ATP8A2: variants seen among roughly 807,000 people sequenced by gnomAD.
ATP8A2 encodes ATPase phospholipid transporting 8A2, also known as phospholipid-transporting ATPase IB.
Under a neutral mutation model 165.6 loss-of-function variants are expected in ATP8A2, and 100 were observed. That is an observed-to-expected ratio of 0.60 (90% CI 0.51 to 0.71). ATP8A2 has a LOEUF of 0.71. ATP8A2 is among the 30% of genes least tolerant of loss of function. ATP8A2 has a pLI of 0.00. For synonymous variants in ATP8A2, 543 were observed against 548.8 expected (o/e 0.99, Z 0.15); for missense variants, 1,227 against 1,479.5 (o/e 0.83, Z 2.80).
At chr13:25,531,263 A>ATATATATGTTATATATGATGTATGT (rs1555291099) in intron 4 of ATP8A2, among the ~76,000 whole-genome samples, 2 of 85,512 alleles carry the variant, frequency 2.3e-5, no homozygotes, top group Non-Finnish European at 4.7e-5. Context: ...GATATATATG[A>ATATATATGTTATATATGATGTATGT]TATATATGAT....
Position 25,532,279 on chromosome 13 carries a change from A to G in ATP8A2, c.428A>G (p.His143Arg). ...TTTTTCTTTCTGTAACAGAAGCGAC[A>G]CAAGGCAGACAATGCAGTTAACAAA... Reference protein sequence around the residue: ...IKEIVEDFKRHKADNAVNKKK... With the variant: ...IKEIVEDFKRRKADNAVNKKK... Residue 143 changes from histidine (H) to arginine (R), a missense_variant, in exon 5 of 37, where the codon CAC (histidine) becomes CGC (arginine). Around this residue, in one of 5 missense-constraint regions of ATP8A2, gnomAD observed 356 missense variants for 394.9 expected, o/e 0.90. Coordinates refer to ENST00000381655, the MANE Select transcript of ATP8A2 (RefSeq NM_016529.6). 1 of 1,610,898 alleles carries G rather than the reference A, an allele frequency of 6.2e-7. No homozygotes were observed. Among genetic ancestry groups the G allele is most frequent in the East Asian group, 2.2e-5 (1 of 44,764 alleles).
chr13:25,935,312 C>T (rs975475163), intron 33 of ATP8A2, among the ~76,000 whole-genome samples: 2 of 152,178 alleles, frequency 1.3e-5, no homozygotes, highest in Non-Finnish European at 2.9e-5. Flanking sequence ...AGCAAATAAA[C>T]TCTCCACCAT....
chr13:25,765,341 G>C (rs1199769621), intron 25 of ATP8A2, among the ~76,000 whole-genome samples: 1 of 152,132 alleles, frequency 6.6e-6, no homozygotes, highest in Non-Finnish European at 1.5e-5. Context: ...TTATTTTATA[G>C]GTTGAATTAT....
At chr13:25,740,250 A>G (rs2043879857) in intron 25 of ATP8A2, among the ~76,000 whole-genome samples, 2 of 148,626 alleles carry the variant, frequency 1.3e-5, no homozygotes. Flanking sequence ...TGGAGCTTGC[A>G]GTGAGCTGAG....
At chr13:25,878,443 A>C (rs958653269) in intron 33 of ATP8A2, among the ~76,000 whole-genome samples, 4 of 97,678 alleles carry the variant, frequency 4.1e-5, no homozygotes, top group African/African-American at 9.7e-5. Flanking sequence ...GTTTTTTAAG[A>C]AAGTAGAGGA....
intron 24 of ATP8A2, among the ~76,000 whole-genome samples, chr13:25,693,063 T>C (rs933723466): frequency 6.6e-6 from 1 of 152,184 alleles, no homozygotes; most frequent in African/African-American, 2.4e-5. Flanking sequence ...CTAAGTCCAT[T>C]GTAACTTTCA....
At chr13:25,866,611 A>G (rs1366617653) in intron 33 of ATP8A2, among the ~76,000 whole-genome samples, 1 of 152,142 alleles carries the variant, frequency 6.6e-6, no homozygotes, top group Non-Finnish European at 1.5e-5. Context: ...AATCACGTAC[A>G]CACACAGAGA....
At chr13:26,001,080 G>C (rs1304896220) in intron 35 of ATP8A2, among the ~76,000 whole-genome samples, 2 of 152,082 alleles carry the variant, frequency 1.3e-5, no homozygotes, top group African/African-American at 4.8e-5. Context: ...ACACGAGCCT[G>C]TTTTCAGTCT....
intron 33 of ATP8A2, among the ~76,000 whole-genome samples, chr13:25,911,186 G>A (rs1446481733): frequency 6.6e-6 from 1 of 152,120 alleles, no homozygotes; most frequent in Non-Finnish European, 1.5e-5. Flanking sequence ...GATGTTAATT[G>A]GTTGGGCCTG....
intron 25 of ATP8A2, among the ~76,000 whole-genome samples, chr13:25,758,924 C>T (rs1209041621): frequency 2.0e-5 from 3 of 151,778 alleles, no homozygotes; most frequent in African/African-American, 7.3e-5. Flanking sequence ...GAAGAAAGAG[C>T]TTTGTGTAAA....
At chr13:25,661,803 A>C (rs2042056830) in intron 24 of ATP8A2, among the ~76,000 whole-genome samples, 1 of 152,188 alleles carries the variant, frequency 6.6e-6, no homozygotes, top group Non-Finnish European at 1.5e-5. Flanking sequence ...TTGTTATATA[A>C]AGATTTTTCA....
At chr13:25,572,081 T>A (rs559799332) in intron 18 of ATP8A2, among the ~76,000 whole-genome samples, 1 of 152,242 alleles carries the variant, frequency 6.6e-6, no homozygotes, top group South Asian at 2.1e-4. Context: ...CACAGTCCAC[T>A]GGGCTTCAGT....
Position 25,644,928 on chromosome 13 carries a change from T to A in ATP8A2, c.2212-54245T>A, listed in dbSNP as rs145785920. On this transcript the variant is annotated intron_variant, in intron 24 of 36. Coordinates refer to ENST00000381655, the MANE Select transcript of ATP8A2 (RefSeq NM_016529.6). ...CTCTTTCATTGCTGATTTTATTTAT[T>A]TTGAGTCGTATTTTGGGTTATCTCT... Among the ~76,000 whole-genome samples the A allele has an allele frequency of 2.7e-3, 415 of 152,332 alleles. 1 individual carries two copies. The highest frequency in any genetic ancestry group is 4.0e-3 in the Admixed American group (61 of 15,298).
chr13:25,686,788 C>T (rs2042610031), intron 24 of ATP8A2, among the ~76,000 whole-genome samples: 1 of 152,142 alleles, frequency 6.6e-6, no homozygotes, highest in African/African-American at 2.4e-5. Context: ...GTCTTCTTGA[C>T]TGCGGCTCTG....
intron 27 of ATP8A2, among the ~76,000 whole-genome samples, chr13:25,810,676 T>C (rs1250962497): frequency 6.6e-6 from 1 of 150,626 alleles, no homozygotes; most frequent in East Asian, 1.9e-4. Context: ...TATGACTGTG[T>C]CTATCTTAGT....
intron 1 of ATP8A2, among the ~76,000 whole-genome samples, chr13:25,461,783 T>C (rs771146080): frequency 1.2e-4 from 18 of 152,000 alleles, no homozygotes; most frequent in Non-Finnish European, 2.2e-4. Context: ...CAGCAAACCA[T>C]GGCCTGTAAA....
intron 34 of ATP8A2, among the ~76,000 whole-genome samples, chr13:25,962,370 T>A (rs924049732): frequency 6.6e-5 from 10 of 152,190 alleles, no homozygotes; most frequent in African/African-American, 2.2e-4. Context: ...AGTTCACAGG[T>A]CTGTGAGAAA....
intron 25 of ATP8A2, among the ~76,000 whole-genome samples, chr13:25,749,775 C>T (rs1178293350): frequency 6.6e-6 from 1 of 152,200 alleles, no homozygotes; most frequent in Non-Finnish European, 1.5e-5. Flanking sequence ...TAAAATGGGA[C>T]ATTCTGGTCA....
chr13:25,660,978 T>TC (rs1312497836), intron 24 of ATP8A2, among the ~76,000 whole-genome samples: 2 of 152,142 alleles, frequency 1.3e-5, no homozygotes, highest in East Asian at 3.9e-4. Context: ...TATCAACAAC[T>TC]CAGCTCTTGA....
Sources: allele counts gnomAD v4.1 joint callset (sites outside exome capture counted in the v4.1 genomes callset), GRCh38; gene constraint gnomAD v4.1.1; regional missense constraint gnomAD v4.1.1; transcripts MANE v1.5; gene names NCBI Gene and HGNC (gene_info 2026-07-23, HGNC 2026-07-21).